The following CLCA4 variants were observed in gnomAD, a reference collection of about 807,000 sequenced individuals.
CLCA4 encodes the protein chloride channel accessory 4.
Under a neutral mutation model 78.9 loss-of-function variants are expected in CLCA4, and 69 were observed. That is an observed-to-expected ratio of 0.87 (90% CI 0.72 to 1.07). The LOEUF (loss-of-function observed/expected upper bound fraction) is 1.07, where lower values mean the gene tolerates loss of function less well. Among genes scored for constraint, CLCA4 ranks in the 50% least tolerant of loss-of-function variants. The probability of loss-of-function intolerance (pLI) is 0.00; values close to 1 mark genes in which losing one functional copy is unlikely to be tolerated. For synonymous variants in CLCA4, 362 were observed against 375.8 expected (o/e 0.96, Z 0.42); for missense variants, 1,133 against 1,095.8 (o/e 1.03, Z -0.48).
chr1:86,552,791 C>T, intron 1 of CLCA4: 1 of 1,225,738 alleles, frequency 8.2e-7, no homozygotes, highest in South Asian at 1.2e-5. Context: ...TAGGGGCTGT[C>T]CACGCCTGAA....
In CLCA4 at chr1:86,572,698, A is replaced by C; in HGVS notation, c.1445A>C (p.Asp482Ala). ...GGGGCTCTTACATCAGGAAATACTG[A>C]TCTCTCCCAGAAGTCCCTTCAGGTC... is the stretch of plus-strand genomic sequence containing the variant. ...AFGALTSGNT[D>A]LSQKSLQLES... is the part of the protein sequence containing the mutation. The change falls in exon 9 of 14, where the codon GAT becomes GCT. Residue 482 changes from aspartate (D) to alanine (A), a missense_variant. Asp to Ala is a moderately radical substitution (Grantham distance 126). Coordinates refer to ENST00000370563, the MANE Select transcript of CLCA4 (RefSeq NM_012128.4). The C allele has an allele frequency of 6.3e-7, 1 of 1,597,970 alleles. No homozygotes were observed. The highest frequency in any genetic ancestry group is 8.6e-7 in the Non-Finnish European group (1 of 1,165,666).
Position 86,580,280 on chromosome 1 carries a change from A to G in CLCA4, c.2695A>G (p.Thr899Ala), listed in dbSNP as rs752708538. Residue 899 changes from threonine (T) to alanine (A), a missense_variant, in exon 14 of 14, where the codon ACG (threonine) becomes GCG (alanine). Coordinates refer to ENST00000370563, the MANE Select transcript of CLCA4 (RefSeq NM_012128.4). The part of the protein sequence containing the change: ...KSHNSGVNIS[T>A]LVLSVIGSVV... ...TCATAATTCTGGAGTTAATATTTCT[A>G]CGCTGGTATTGTCTGTGATTGGGTC... is the stretch of plus-strand genomic sequence containing the variant. 1.2e-6 allele frequency: 2 copies of G among 1,611,942 alleles called. No individual in the cohort carries two copies. The highest frequency in any genetic ancestry group is 1.7e-6 in the Non-Finnish European group (2 of 1,179,030).
chr1:86,572,572 T>A lies in CLCA4; in HGVS notation c.1361-42T>A, dbSNP rs368863885. 2.9e-4 allele frequency: 328 copies of A among 1,132,906 alleles called. 3 individuals carry two copies. The Admixed American group carries it at 3.0e-3, about 10-fold the overall frequency. The allele number at this position is 1,132,906 out of a possible 1,614,324, so 70.2% of individuals were successfully genotyped here. On this transcript the variant is annotated intron_variant, in intron 8 of 13. Transcript: ENST00000370563. Reference sequence around the variant, plus strand: ...TAATAATCACTAAAATATATGTACTTATTTTCTAGAAAGCAGTCTAATTAA... The same window carrying A: ...TAATAATCACTAAAATATATGTACTAATTTTCTAGAAAGCAGTCTAATTAA...
At chr1:86,547,328 AT>A (rs753384802) in intron 1 of CLCA4, 50 bp downstream of exon 1, 27 of 1,365,788 alleles carry the variant, frequency 2.0e-5, no homozygotes, top group Non-Finnish European at 2.4e-5. Context: ...TTTTACTATT[AT>A]TTTTAATTGA....
At chr1:86,551,239 AT>A (rs1342830536) in intron 1 of CLCA4, among the ~76,000 whole-genome samples, 1 of 152,062 alleles carries the variant, frequency 6.6e-6, no homozygotes, top group Non-Finnish European at 1.5e-5. Flanking sequence ...TGTTATTTTT[AT>A]TTCAATTCTT....
At chr1:86,571,553 G>T in intron 8 of CLCA4, 1 of 217,712 alleles carries the variant, frequency 4.6e-6, no homozygotes, top group Non-Finnish European at 9.0e-6. Context: ...GGGAAAGGAA[G>T]CATGCAAAAC....
intron 7 of CLCA4, among the ~76,000 whole-genome samples, 173 bp from the exon 8 acceptor site, chr1:86,570,904 G>T (rs1430606666): frequency 6.6e-6 from 1 of 152,056 alleles, no homozygotes; most frequent in Non-Finnish European, 1.5e-5. Flanking sequence ...AAAAATTCAT[G>T]TTTAACTTTC....
chr1:86,576,437 C>A (rs140282360), intron 11 of CLCA4, among the ~76,000 whole-genome samples: 3 of 152,194 alleles, frequency 2.0e-5, no homozygotes, highest in Admixed American at 6.5e-5. Context: ...CCCACCCCAG[C>A]CTCCCAAAGT....
chr1:86,566,984 G>C (rs1053299886), intron 6 of CLCA4, among the ~76,000 whole-genome samples: 2 of 151,998 alleles, frequency 1.3e-5, no homozygotes, highest in Non-Finnish European at 1.5e-5. Flanking sequence ...GGGCAGTCTA[G>C]TTTCCAGTGG....
At position 86,571,181 on chromosome 1, in the gene CLCA4, TG is replaced by T. The variant is rs1456057486; in HGVS notation, c.1291del (p.Ala431ProfsTer16). ...SSCIDEVKQS[G>X]AIVHFIALGR... The stretch of plus-strand genomic sequence containing the variant: ...CTTGTATTGATGAAGTGAAACAAAG[TG>T]GGGCCATTGTTCATTTTATTGCTTT... On this transcript the variant is annotated frameshift_variant, in exon 8 of 14. Transcript: ENST00000370563. LOFTEE classifies it high-confidence loss of function. 1.2e-6 allele frequency: 2 copies of T among 1,612,942 alleles called. No individual in the cohort carries two copies. Among genetic ancestry groups the T allele is most frequent in the Non-Finnish European group, 1.7e-6 (2 of 1,179,156 alleles).
intron 3 of CLCA4, among the ~76,000 whole-genome samples, chr1:86,561,904 C>T (rs911600653): frequency 6.6e-6 from 1 of 152,092 alleles, no homozygotes; most frequent in African/African-American, 2.4e-5. Context: ...TCACATTCCT[C>T]AAGGTCCTAA....
Position 86,580,258 on chromosome 1 carries a change from T to C in CLCA4, c.2673T>C (p.His891=). ...PTPTPTPDKS[H]NSGVNISTLV... is the part of the protein sequence containing the mutation. ...CTACTCCTACTCCTGATAAAAGTCA[T>C]AATTCTGGAGTTAATATTTCTACGC... Residue 891 remains histidine (H), a synonymous_variant, in exon 14 of 14, where the codon CAT becomes CAC. Coordinates refer to ENST00000370563, the MANE Select transcript of CLCA4 (RefSeq NM_012128.4). The C allele has an allele frequency of 6.2e-7, 1 of 1,611,714 alleles. No homozygotes were observed. Among genetic ancestry groups the C allele is most frequent in the South Asian group, 1.1e-5 (1 of 90,912 alleles).
At chr1:86,564,299 A>G (rs709802) in intron 4 of CLCA4, among the ~76,000 whole-genome samples, 98,270 of 151,986 alleles carry the variant, frequency 0.65, 32,182 homozygotes, top group East Asian at 0.93. Context: ...AATTGGTGCT[A>G]TCACCTCATC....
chr1:86,566,721 G>A (rs990235779), intron 6 of CLCA4, among the ~76,000 whole-genome samples: 4 of 151,970 alleles, frequency 2.6e-5, no homozygotes, highest in Non-Finnish European at 5.9e-5. Context: ...GGAAATTTGG[G>A]CATAAATTGG....
intron 6 of CLCA4, among the ~76,000 whole-genome samples, chr1:86,567,050 G>A (rs912975610): frequency 2.0e-5 from 3 of 151,868 alleles, no homozygotes; most frequent in African/African-American, 7.3e-5. Context: ...TGATTTATAG[G>A]CTTGGGGGTA....
Position 86,575,424 on chromosome 1 carries a change from T to C in CLCA4, c.1776T>C (p.Pro592=). Residue 592 remains proline (P), a synonymous_variant, in exon 11 of 14, where the codon CCT becomes CCC. Transcript: ENST00000370563. ...CTCGAGCAGCAAATTCTTCTGTGCC[T>C]CCAATCACAGTGAATGCTAAAATGA... The part of the protein sequence containing the change: ...VTSRAANSSV[P]PITVNAKMNK... 6.2e-7 allele frequency: 1 copy of C among 1,613,442 alleles called. No homozygotes were observed. The highest frequency in any genetic ancestry group is 1.1e-5 in the South Asian group (1 of 91,070).
intron 11 of CLCA4, among the ~76,000 whole-genome samples, chr1:86,576,559 T>C (rs1650528541): frequency 6.6e-6 from 1 of 152,032 alleles, no homozygotes; most frequent in Non-Finnish European, 1.5e-5. Context: ...AAAGGTCTCA[T>C]TCAGGAGGCT....
At chr1:86,557,585 G>A (rs1012693021) in intron 1 of CLCA4, among the ~76,000 whole-genome samples, 1 of 152,110 alleles carries the variant, frequency 6.6e-6, no homozygotes, top group Non-Finnish European at 1.5e-5. Context: ...AATGTGTTTA[G>A]TATGATTTCA....
At position 86,579,551 on chromosome 1, in the gene CLCA4, TGGACA is replaced by T. The variant is rs1448018927; in HGVS notation, c.2322_2326del (p.Trp774CysfsTer5). On this transcript the variant is annotated frameshift_variant, in exon 13 of 14. Transcript: ENST00000370563. LOFTEE classifies it low-confidence loss of function (END_TRUNC). Reference sequence around the variant, plus strand: ...TCATGAGGATAAGATTATTCTTACATGGACAGCACCAGGAGATAATTTTGATGTTG... The same window carrying T: ...TCATGAGGATAAGATTATTCTTACATGCACCAGGAGATAATTTTGATGTTG... The T allele has an allele frequency of 6.2e-7, 1 of 1,612,708 alleles. No individual in the cohort carries two copies. The highest frequency in any genetic ancestry group is 2.2e-5 in the East Asian group (1 of 44,816).
Sources: allele counts gnomAD v4.1 joint callset (sites outside exome capture counted in the v4.1 genomes callset), GRCh38; gene constraint gnomAD v4.1.1; transcripts MANE v1.5; gene names NCBI Gene and HGNC (gene_info 2026-07-23, HGNC 2026-07-21).